PRKDC: variants seen among roughly 807,000 people sequenced by gnomAD.
PRKDC encodes the protein protein kinase, DNA-activated, catalytic subunit.
A neutral mutation model predicts 486.9 loss-of-function variants in PRKDC; 82 were observed. The ratio of observed to expected loss-of-function variants is 0.17; its 90% CI spans 0.14 to 0.20. PRKDC has a LOEUF of 0.20. Among genes scored for constraint, PRKDC ranks in the 10% least tolerant of loss-of-function variants. The pLI is 1.00. For missense variants in PRKDC, 4,504 were observed against 5,038.2 expected (o/e 0.89, Z 3.21); for synonymous variants, 1,895 against 1,837.0 (o/e 1.03, Z -0.81).
chr8:47,810,980 A>G (rs1213174332), intron 68 of PRKDC, among the ~76,000 whole-genome samples: 1 of 152,228 alleles, frequency 6.6e-6, no homozygotes, highest in Non-Finnish European at 1.5e-5. Flanking sequence ...GCATTCCCAC[A>G]AAGAGACCAA....
intron 21 of PRKDC, among the ~76,000 whole-genome samples, chr8:47,919,882 G>A (rs574010684): frequency 9.2e-5 from 14 of 152,278 alleles, no homozygotes; most frequent in African/African-American, 2.9e-4. Flanking sequence ...ACTGCGACAT[G>A]TTCGTGATGG....
At chr8:47,935,704 T>A in intron 13 of PRKDC, 28 bp downstream of exon 13, 1 of 1,605,740 alleles carries the variant, frequency 6.2e-7, no homozygotes, top group Non-Finnish European at 8.5e-7. Flanking sequence ...CCATCATTAC[T>A]CATAAATACA....
intron 21 of PRKDC, among the ~76,000 whole-genome samples, chr8:47,926,246 T>G (rs765006761): frequency 6.6e-6 from 1 of 152,206 alleles, no homozygotes; most frequent in South Asian, 2.1e-4. Context: ...AGTTTGTAAT[T>G]TTGGTCTCTA....
In PRKDC at chr8:47,889,192, G is replaced by A. The variant is rs763769585; in HGVS notation, c.4102C>T (p.Leu1368=). 6 of 1,613,420 alleles carry A rather than the reference G, an allele frequency of 3.7e-6. No individual in the cohort carries two copies. The East Asian group carries it at 1.3e-4, about 36-fold the overall frequency. The change falls in exon 33 of 86, where the codon CTG becomes TTG. Residue 1368 remains leucine (L), a synonymous_variant. Transcript: ENST00000314191. The part of the protein sequence containing the change: ...LLKKDLCNTH[L]MRVLVQTLCE... ...AGCGTCTGCACCAGGACTCTCATCAGGTGTGTATTACACAAGTCCTTCTTC... is the reference window on the plus strand; with the variant it reads ...AGCGTCTGCACCAGGACTCTCATCAAGTGTGTATTACACAAGTCCTTCTTC...
chr8:47,797,465 G>A (rs563371176), intron 73 of PRKDC, among the ~76,000 whole-genome samples: 2 of 152,188 alleles, frequency 1.3e-5, no homozygotes, highest in African/African-American at 4.8e-5. Context: ...AGTCAAACTG[G>A]GTCCCCGCAG....
chr8:47,920,789 G>A (rs1211224303), intron 21 of PRKDC, among the ~76,000 whole-genome samples: 5 of 151,948 alleles, frequency 3.3e-5, no homozygotes, highest in Non-Finnish European at 5.9e-5. Context: ...TTCTCATAAC[G>A]TTTTTTAAAA....
rs538095885 is a variant in PRKDC, at chr8:47,831,237, C to G, written c.8266-501G>C. Among the ~76,000 whole-genome samples, 42 of 152,352 alleles carry G rather than the reference C, an allele frequency of 2.8e-4. No homozygotes were observed. In the South Asian group the frequency reaches 7.9e-3, roughly 29 times the overall value. ...GCAGGGCTTGGGGAGGGGGCCGGCA[C>G]AGCGCCCCACTTCCAGGGCTTCACA... On this transcript the variant is annotated intron_variant, in intron 60 of 85. Coordinates refer to ENST00000314191, the MANE Select transcript of PRKDC (RefSeq NM_006904.7).
intron 30 of PRKDC, among the ~76,000 whole-genome samples, chr8:47,895,823 G>A (rs917772058): frequency 7.2e-5 from 11 of 152,254 alleles, no homozygotes; most frequent in East Asian, 1.9e-4. Context: ...GGCAGATTAC[G>A]AGGTCAGGAG....
rs1376904396 is a variant in PRKDC at position 47,875,468 on chromosome 8, G to GT, written c.5363+2255dup. On this transcript the variant is annotated intron_variant, in intron 40 of 85. Transcript: ENST00000314191. Reference sequence around the variant, plus strand: ...CCTTCCTTTGTATTACCTTGGTTTAGTTTTTTTCTTTTTCTAGATTTTAAG... The same window carrying GT: ...CCTTCCTTTGTATTACCTTGGTTTAGTTTTTTTTCTTTTTCTAGATTTTAAG... Among the ~76,000 whole-genome samples, 4 of 151,974 alleles carry GT rather than the reference G, an allele frequency of 2.6e-5. No individual in the cohort carries two copies. In the South Asian group the frequency reaches 8.3e-4, roughly 32 times the overall value.
intron 12 of PRKDC, 108 bp downstream of exon 12, chr8:47,936,245 A>T: frequency 8.0e-7 from 1 of 1,252,858 alleles, no homozygotes; most frequent in Non-Finnish European, 1.1e-6. Flanking sequence ...TAAAACTGTC[A>T]TGTTGTTCCC....
chr8:47,858,569 C>T lies in PRKDC; in HGVS notation c.6412G>A (p.Val2138Ile). ...AAGAAGAGACGGATATTTAATGGTACTATTGGATTTCCCAGTTTGCCATGG... is the reference window on the plus strand; with the variant it reads ...AAGAAGAGACGGATATTTAATGGTATTATTGGATTTCCCAGTTTGCCATGG... ...FLHGKLGNPIVPLNIRLFLAK... is the reference protein window; with the variant it reads ...FLHGKLGNPIIPLNIRLFLAK... Residue 2138 changes from valine to isoleucine, a missense_variant, in exon 48 of 86, where the codon GTA (valine) becomes ATA (isoleucine). Val to Ile is a conservative substitution (Grantham distance 29, BLOSUM62 3). This residue lies in a region of PRKDC where 1,592 missense variants were observed against 1,724.6 expected (regional missense o/e 0.92). Coordinates refer to ENST00000314191, the MANE Select transcript of PRKDC (RefSeq NM_006904.7). The T allele has an allele frequency of 3.9e-6, 6 of 1,556,622 alleles. No homozygotes were observed. Among genetic ancestry groups the T allele is most frequent in the Admixed American group, 1.9e-5 (1 of 51,422 alleles).
Position 47,889,103 on chromosome 8 carries a change from A to G in PRKDC, c.4191T>C (p.Asp1397=), listed in dbSNP as rs1242205024. ...GAGCTTTCATCAGATTCACACAAAC[A>G]TCAGGAAGATGAGCCATAACCTGGA... ...GDVQVMAHLP[D]VCVNLMKALK... Residue 1397 remains aspartate, a synonymous_variant, in exon 33 of 86, where the codon GAT becomes GAC. Coordinates refer to ENST00000314191, the MANE Select transcript of PRKDC (RefSeq NM_006904.7). The G allele has an allele frequency of 6.2e-7, 1 of 1,613,896 alleles. No individual in the cohort carries two copies. Among genetic ancestry groups the G allele is most frequent in the South Asian group, 1.1e-5 (1 of 91,082 alleles).
In PRKDC at chr8:47,893,183, T is replaced by C. The variant is rs373092389; in HGVS notation, c.3803A>G (p.Asn1268Ser). ...DLLLAALECY[N>S]TFIGERTVGA... ...TACAGTTCTCTCGCCAATGAACGTG[T>C]TGTAGCACTCCAACGCGGCCAGGAG... Residue 1268 changes from asparagine to serine, a missense_variant, in exon 31 of 86, where the codon AAC (asparagine) becomes AGC (serine). Transcript: ENST00000314191. 8.1e-6 allele frequency: 13 copies of C among 1,613,282 alleles called. No homozygotes were observed. The African/African-American group carries it at 9.3e-5, about 12-fold the overall frequency.
intron 59 of PRKDC, among the ~76,000 whole-genome samples, chr8:47,833,926 T>C (rs1464817103): frequency 1.3e-5 from 2 of 152,166 alleles, no homozygotes; most frequent in Non-Finnish European, 2.9e-5. Context: ...CTTGTTACAA[T>C]CACCCCTTTA....
chr8:47,930,178 C>CT (rs1563808938), intron 17 of PRKDC, among the ~76,000 whole-genome samples, 166 bp from the exon 18 acceptor site: 1 of 152,118 alleles, frequency 6.6e-6, no homozygotes, highest in Admixed American at 6.6e-5. Context: ...ACCTGAGGAT[C>CT]TTTTAAATAT....
chr8:47,928,646 G>A (rs1339241107), intron 19 of PRKDC, among the ~76,000 whole-genome samples: 2 of 151,234 alleles, frequency 1.3e-5, no homozygotes, highest in Admixed American at 6.6e-5. Context: ...TCCATCTCCC[G>A]GGTTCAAGCG....
In PRKDC at chr8:47,789,255, A is replaced by G; in HGVS notation, c.10671-17T>C. On this transcript the variant is annotated splice_polypyrimidine_tract_variant and intron_variant, in intron 74 of 85. Transcript: ENST00000314191. ...CTTTTAATCCTATTTAAAAAAATTT[A>G]CAAAGTTTAGGCAATCAAATATCTT... 2.6e-6 allele frequency: 4 copies of G among 1,523,570 alleles called. No homozygotes were observed. The highest frequency in any genetic ancestry group is 3.5e-6 in the Non-Finnish European group (4 of 1,130,472). The allele number at this position is 1,523,570 out of a possible 1,614,324, so 94.4% of individuals were successfully genotyped here. A position where few individuals can be genotyped will look rare whatever the true frequency, so the allele number is the denominator to read the frequency against.
At chr8:47,916,970 A>C (rs1188977899) in intron 22 of PRKDC, among the ~76,000 whole-genome samples, 1 of 152,152 alleles carries the variant, frequency 6.6e-6, no homozygotes, top group Non-Finnish European at 1.5e-5. Context: ...CTGTACAAAA[A>C]TTTTGGCAAA....
intron 51 of PRKDC, 28 bp from the exon 52 acceptor site, chr8:47,852,812 C>T: frequency 7.4e-7 from 1 of 1,360,082 alleles, no homozygotes; most frequent in Non-Finnish European, 1.0e-6. Context: ...AAGACATATG[C>T]ATCAAATAAA....
Sources: gnomAD v4.1 joint callset for allele counts (sites outside exome capture counted in the v4.1 genomes callset) on GRCh38, gnomAD v4.1.1 for gene constraint, gnomAD v4.1.1 regional missense constraint, MANE v1.5 for transcripts, NCBI Gene and HGNC (gene_info 2026-07-23, HGNC 2026-07-21) for gene names.